The following IQSEC2 variants were observed in gnomAD, a reference collection of about 807,000 sequenced individuals.
IQSEC2 encodes IQ motif and SEC7 domain-containing protein 2.
Under a neutral mutation model 74.6 loss-of-function variants are expected in IQSEC2, and 6 were observed. That is an observed-to-expected ratio of 0.08 (90% CI 0.04 to 0.16). The LOEUF is 0.16. IQSEC2 is among the 10% of genes least tolerant of loss of function. The pLI is 1.00. For missense variants in IQSEC2, 734 were observed against 1,306.2 expected (o/e 0.56, Z 6.75); for synonymous variants, 494 against 544.5 (o/e 0.91, Z 1.29).
chrX:53,239,126 A>G, intron 11 of IQSEC2, 69 bp downstream of exon 11: 1 of 832,221 alleles, frequency 1.2e-6, no homozygotes, highest in Admixed American at 2.2e-5. Context: ...TGGAGCTGGT[A>G]TAGATGACGG....
At chrX:53,287,298 T>A (rs1556872011) in intron 2 of IQSEC2, among the ~76,000 whole-genome samples, 1 of 112,394 alleles carries the variant, frequency 8.9e-6, no homozygotes, top group Non-Finnish European at 1.9e-5. Flanking sequence ...CAAAATCGCA[T>A]AAAGAACACT....
At chrX:53,316,497 A>G (rs1250637366) in intron 1 of IQSEC2, among the ~76,000 whole-genome samples, 1 of 110,725 alleles carries the variant, frequency 9.0e-6, no homozygotes, top group Non-Finnish European at 1.9e-5. Flanking sequence ...CACTGCAAGC[A>G]GACGACAGCA....
At position 53,291,940 on chromosome X, in the gene IQSEC2, A is replaced by G. The variant is rs781823159; in HGVS notation, c.708-16T>C. 6 of 1,163,489 alleles carry G rather than the reference A, an allele frequency of 5.2e-6. No homozygotes were observed. In the East Asian group the frequency reaches 2.0e-4, roughly 38 times the overall value. On this transcript the variant is annotated splice_polypyrimidine_tract_variant and intron_variant, in intron 1 of 14. Transcript: ENST00000642864. ...ACCATCAGATCTGAAAGGGAAACAGAGAAAAAAAACCAAAACGGTCAGTAT... is the reference window on the plus strand; with the variant it reads ...ACCATCAGATCTGAAAGGGAAACAGGGAAAAAAAACCAAAACGGTCAGTAT...
intron 1 of IQSEC2, among the ~76,000 whole-genome samples, chrX:53,298,165 A>C (rs1556874770): frequency 1.8e-5 from 2 of 111,061 alleles, no homozygotes; most frequent in Non-Finnish European, 3.8e-5. Context: ...CTTTTCCATC[A>C]TCTAGGAATT....
Position 53,238,805 on chromosome X carries a change from G to A in IQSEC2, c.3115+390C>T, listed in dbSNP as rs186954402. Among the ~76,000 whole-genome samples, 331 of 109,485 alleles carry A rather than the reference G, an allele frequency of 3.0e-3. 3 individuals are homozygous for A. The highest frequency in any genetic ancestry group is 0.01 in the African/African-American group (308 of 30,183). ...CTGTGGCCCTCTTACTCCCTGTACT[G>A]CAGGATGTAAAGGCACACAACTATG... is the stretch of plus-strand genomic sequence containing the variant. On this transcript the variant is annotated intron_variant, in intron 11 of 14. Transcript: ENST00000642864.
chrX:53,304,614 T>C (rs781881603), intron 1 of IQSEC2, among the ~76,000 whole-genome samples: 49 of 112,108 alleles, frequency 4.4e-4, no homozygotes, highest in Non-Finnish European at 5.6e-5. Flanking sequence ...AAGTATCACT[T>C]CACATTTACA....
downstream of IQSEC2, among the ~76,000 whole-genome samples, chrX:53,228,203 C>T (rs1425926397): frequency 8.9e-6 from 1 of 111,978 alleles, no homozygotes; most frequent in Non-Finnish European, 1.9e-5. Flanking sequence ...TATCCCCATC[C>T]TACAGATGAG....
At chrX:53,253,451 C>T (rs1322865070) in intron 4 of IQSEC2, among the ~76,000 whole-genome samples, 5 of 112,128 alleles carry the variant, frequency 4.5e-5, no homozygotes. Flanking sequence ...AAGCCTACAA[C>T]GATCACCCAC....
intron 1 of IQSEC2, among the ~76,000 whole-genome samples, chrX:53,316,501 G>A (rs1490737240): frequency 4.5e-5 from 5 of 110,660 alleles, no homozygotes; most frequent in Non-Finnish European, 9.4e-5. Context: ...GCAAGCAGAC[G>A]ACAGCATGTG....
rs782578417 is a variant in IQSEC2 at position 53,255,788 on chromosome X, C to T, written c.999+12G>A. The T allele has an allele frequency of 1.2e-5, 15 of 1,210,012 alleles. No individual in the cohort carries two copies. The South Asian group carries it at 1.6e-4, about 13-fold the overall frequency. ...CCCGACTCCCATTCCCAACCAGATG[C>T]CTCTGTTGCACCTTCTTGTCCTGCA... On this transcript the variant is annotated intron_variant, in intron 3 of 14. Transcript: ENST00000642864.
chrX:53,244,777 T>A (rs782258394), intron 8 of IQSEC2, among the ~76,000 whole-genome samples: 17 of 111,447 alleles, frequency 1.5e-4, no homozygotes, highest in Non-Finnish European at 2.8e-4. Flanking sequence ...GGGAAAAGAT[T>A]AGAACGCACC....
At chrX:53,317,562 G>A (rs1556879404) in intron 1 of IQSEC2, among the ~76,000 whole-genome samples, 9 of 112,035 alleles carry the variant, frequency 8.0e-5, no homozygotes, top group Non-Finnish European at 1.5e-4. Flanking sequence ...ACAGAAGCAC[G>A]GGATCATTGG....
Position 53,321,016 on chromosome X carries a change from C to T in IQSEC2, c.108G>A (p.Leu36=), listed in dbSNP as rs1602383725. The change falls in exon 1 of 15, where the codon CTG becomes CTA. Residue 36 remains leucine, a synonymous_variant. Transcript: ENST00000642864. ...LNNIIESQQQ[L]LETQRRRIEE... ...CGATGCGCCGCCGCTGGGTTTCCAG[C>T]AGCTGCTGCTGGCTCTCGATGATGT... is the stretch of plus-strand genomic sequence containing the variant. 4.3e-6 allele frequency: 5 copies of T among 1,157,548 alleles called. No homozygotes were observed. Among genetic ancestry groups the T allele is most frequent in the Non-Finnish European group, 5.7e-6 (5 of 871,738 alleles).
chrX:53,238,031 G>C (rs1556860092), intron 12 of IQSEC2, 114 bp downstream of exon 12: 3 of 838,747 alleles, frequency 3.6e-6, no homozygotes, highest in Non-Finnish European at 5.2e-6. Flanking sequence ...AAATGAGGAT[G>C]GGAAGGTTGG....
At chrX:53,265,043 G>A (rs1165935928) in intron 2 of IQSEC2, among the ~76,000 whole-genome samples, 3 of 111,320 alleles carry the variant, frequency 2.7e-5, no homozygotes, top group Non-Finnish European at 3.8e-5. Context: ...TAGGATTACA[G>A]GTGTGAGCCA....
At chrX:53,235,486 G>A (rs1020410046) in intron 14 of IQSEC2, among the ~76,000 whole-genome samples, 3 of 111,376 alleles carry the variant, frequency 2.7e-5, no homozygotes, top group African/African-American at 9.8e-5. Flanking sequence ...CTCGCCCAGG[G>A]TCAAAGAGCA....
intron 2 of IQSEC2, among the ~76,000 whole-genome samples, chrX:53,273,616 T>C (rs2074776106): frequency 8.9e-6 from 1 of 112,249 alleles, no homozygotes; most frequent in East Asian, 2.8e-4. Context: ...AATTTTGAAA[T>C]GATGACAGGG....
In IQSEC2 at chrX:53,250,333, T is replaced by C. The variant is rs192749896; in HGVS notation, c.2243A>G (p.Asn748Ser). 1 of 1,210,192 alleles carries C rather than the reference T, an allele frequency of 8.3e-7. No individual in the cohort carries two copies. The highest frequency in any genetic ancestry group is 1.7e-5 in the African/African-American group (1 of 57,296). The change falls in exon 5 of 15, where the codon AAC becomes AGC. Residue 748 changes from asparagine (N) to serine (S), a missense_variant. Physicochemically the swap from Asn to Ser is conservative, Grantham distance 46. This residue lies in a region of IQSEC2 where 2 missense variants were observed against 28.2 expected (regional missense o/e 0.07). Coordinates refer to ENST00000642864, the MANE Select transcript of IQSEC2 (RefSeq NM_001111125.3). ...TRHSWDSPAF[N>S]NDVVQRRHYR... is the part of the protein sequence containing the mutation. ...GTGCCGCCTCTGGACCACATCATTG[T>C]TGAAAGCTGGCGAGTCCCAGCTATG...
chrX:53,247,971 C>T (rs782472413), intron 7 of IQSEC2, 143 bp downstream of exon 7: 2 of 761,437 alleles, frequency 2.6e-6, no homozygotes, highest in South Asian at 2.5e-5. Flanking sequence ...CTCTGATCCT[C>T]ACAATTGCCT....
Sources: gnomAD v4.1 joint callset for allele counts (sites outside exome capture counted in the v4.1 genomes callset) on GRCh38, gnomAD v4.1.1 for gene constraint, gnomAD v4.1.1 regional missense constraint, MANE v1.5 for transcripts, NCBI Gene and HGNC (gene_info 2026-07-23, HGNC 2026-07-21) for gene names.